The following MAGI2 variants were observed in gnomAD, a reference collection of about 807,000 sequenced individuals.
MAGI2 encodes membrane-associated guanylate kinase, WW and PDZ domain-containing protein 2.
A neutral mutation model predicts 133.3 loss-of-function variants in MAGI2; 35 were observed. The ratio of observed to expected loss-of-function variants is 0.26; its 90% confidence interval spans 0.20 to 0.35. The LOEUF is 0.35. MAGI2 is among the 10% of genes least tolerant of loss of function. The probability of loss-of-function intolerance (pLI) is 1.00; values close to 1 mark genes in which losing one functional copy is unlikely to be tolerated. For missense variants in MAGI2, 1,636 were observed against 1,863.4 expected, an observed-to-expected ratio of 0.88 and a Z score of 2.25; for synonymous variants, 729 against 710.6, an observed-to-expected ratio of 1.03 and a Z score of -0.41.
At chr7:79,319,882 C>A (rs1178972315) in intron 1 of MAGI2, among the ~76,000 whole-genome samples, 1 of 152,104 alleles carries the variant, frequency 6.6e-6, no homozygotes, top group East Asian at 1.9e-4. Flanking sequence ...GATTCATAAT[C>A]ATAATGTTTT....
chr7:78,622,008 G>A (rs1807796237), intron 3 of MAGI2, among the ~76,000 whole-genome samples: 1 of 152,012 alleles, frequency 6.6e-6, no homozygotes, highest in Non-Finnish European at 1.5e-5. Context: ...TCTATGATGA[G>A]CAGCTTAAAC....
intron 1 of MAGI2, among the ~76,000 whole-genome samples, chr7:79,294,153 G>A (rs1200556077): frequency 6.7e-6 from 1 of 148,872 alleles, no homozygotes; most frequent in Non-Finnish European, 1.5e-5. Flanking sequence ...ATTCCAGCCC[G>A]GGCAACAGAG....
intron 6 of MAGI2, among the ~76,000 whole-genome samples, chr7:78,454,940 G>T (rs1395223213): frequency 1.3e-5 from 2 of 152,130 alleles, no homozygotes; most frequent in Non-Finnish European, 2.9e-5. Flanking sequence ...AGCACAGGGG[G>T]TTTCTAGGGC....
At chr7:79,181,027 G>A (rs1033641701) in intron 1 of MAGI2, among the ~76,000 whole-genome samples, 1 of 151,926 alleles carries the variant, frequency 6.6e-6, no homozygotes, top group Admixed American at 6.6e-5. Context: ...CACCTCTATG[G>A]CTTTGCAGGG....
intron 1 of MAGI2, among the ~76,000 whole-genome samples, chr7:79,433,280 G>A (rs756863872): frequency 8.5e-5 from 13 of 152,154 alleles, no homozygotes; most frequent in African/African-American, 2.6e-4. Flanking sequence ...GGCCAGGCGC[G>A]GTGGCTCAGG....
At position 79,346,591 on chromosome 7, in the gene MAGI2, T is replaced by C. The variant is rs543511928; in HGVS notation, c.301+106429A>G. ...TCTGCAACTGTACTGCCCTCTGTAC[T>C]GAGTCTTTCTTCAGTTCTCTGATCC... On this transcript the variant is annotated intron_variant, in intron 1 of 21. Transcript: ENST00000354212. 1.7e-3 allele frequency among the ~76,000 whole-genome samples: 265 copies of C among 152,084 alleles called. 2 individuals carry two copies. Among genetic ancestry groups the C allele is most frequent in the African/African-American group, 6.2e-3 (256 of 41,552 alleles).
Position 79,032,570 on chromosome 7 carries a change from A to C in MAGI2, c.302-25364T>G, listed in dbSNP as rs372520326. 9.2e-5 allele frequency among the ~76,000 whole-genome samples: 14 copies of C among 151,998 alleles called. 2 individuals are homozygous for C. The highest frequency in any genetic ancestry group is 7.2e-4 in the Admixed American group (11 of 15,248). ...GCACATTACCCATTATGAGAGTGGA[A>C]CATCAAGTCTAGGTTTAGATTTATT... On this transcript the variant is annotated intron_variant, in intron 1 of 21. Transcript: ENST00000354212.
Position 78,019,425 on chromosome 7 carries a change from C to T in MAGI2, c.4258G>A (p.Gly1420Arg). 9.4e-7 allele frequency: 1 copy of T among 1,067,254 alleles called. No homozygotes were observed. Among genetic ancestry groups the T allele is most frequent in the Non-Finnish European group, 1.1e-6 (1 of 884,322 alleles). 66.1% of individuals were successfully genotyped at this position (1,067,254 alleles called of 1,614,324 possible). A position where few individuals can be genotyped will look rare whatever the true frequency, so the allele number is the denominator to read the frequency against. The part of the protein sequence containing the change: ...AGPRPGPRPP[G>R]GAPARKAAVA... ...GCGGCCTTGCGCGCCGGGGCGCCCCCCGGGGGTCGCGGGCCCGGCCGGGGA... is the reference window on the plus strand; with the variant it reads ...GCGGCCTTGCGCGCCGGGGCGCCCCTCGGGGGTCGCGGGCCCGGCCGGGGA... Residue 1420 changes from glycine (G) to arginine (R), a missense_variant, in exon 22 of 22, where the codon GGG (glycine) becomes AGG (arginine). Physicochemically the swap from Gly to Arg is moderately radical, Grantham distance 125. Around this residue, in one of 5 missense-constraint regions of MAGI2, gnomAD observed 354 missense variants for 298.7 expected, o/e 1.19. Transcript: ENST00000354212.
chr7:78,799,439 G>A (rs1259321791), intron 2 of MAGI2, among the ~76,000 whole-genome samples: 2 of 152,100 alleles, frequency 1.3e-5, no homozygotes, highest in Non-Finnish European at 2.9e-5. Flanking sequence ...TTATTAATGA[G>A]AATATTTTCT....
At chr7:78,229,334 T>C (rs1448753873) in intron 10 of MAGI2, among the ~76,000 whole-genome samples, 2 of 152,214 alleles carry the variant, frequency 1.3e-5, no homozygotes, top group Non-Finnish European at 2.9e-5. Flanking sequence ...CTAAGATACA[T>C]GTGGCAGATC....
intron 2 of MAGI2, among the ~76,000 whole-genome samples, chr7:78,700,630 CTA>C (rs1817970561): frequency 6.6e-6 from 1 of 151,918 alleles, no homozygotes; most frequent in Non-Finnish European, 1.5e-5. Context: ...ATCAGTATAC[CTA>C]CCATATATAT....
intron 2 of MAGI2, among the ~76,000 whole-genome samples, chr7:78,736,570 T>A (rs1821869103): frequency 6.6e-6 from 1 of 152,268 alleles, no homozygotes; most frequent in African/African-American, 2.4e-5. Context: ...CCCCTGAGGG[T>A]CCCTAAGAAC....
intron 20 of MAGI2, among the ~76,000 whole-genome samples, chr7:78,116,442 G>A (rs899364042): frequency 6.7e-6 from 1 of 150,294 alleles, no homozygotes; most frequent in East Asian, 1.9e-4. Context: ...AAATGAATAA[G>A]CAAGAAGACA....
chr7:78,097,398 G>C (rs1252045592), intron 20 of MAGI2, among the ~76,000 whole-genome samples: 1 of 152,118 alleles, frequency 6.6e-6, no homozygotes, highest in Non-Finnish European at 1.5e-5. Context: ...CAATAGCAAA[G>C]ACATGGAATC....
In MAGI2 at chr7:79,122,146, A is replaced by T. The variant is rs187608837; in HGVS notation, c.302-114940T>A. On this transcript the variant is annotated intron_variant, in intron 1 of 21. Transcript: ENST00000354212. ...ATCAGGGTCATTTTGAATCTATACT[A>T]AATTCTCTGAGGCATTATTTATACC... is the stretch of plus-strand genomic sequence containing the variant. 7.6e-3 allele frequency among the ~76,000 whole-genome samples: 1,154 copies of T among 152,260 alleles called. 10 individuals carry two copies. Among genetic ancestry groups the T allele is most frequent in the Non-Finnish European group, 0.012 (806 of 68,016 alleles).
At chr7:78,910,238 G>A (rs191717800) in intron 2 of MAGI2, among the ~76,000 whole-genome samples, 2 of 149,884 alleles carry the variant, frequency 1.3e-5, no homozygotes, top group East Asian at 4.0e-4. Context: ...CATTTTGCAC[G>A]TGAATCCTGG....
intron 1 of MAGI2, among the ~76,000 whole-genome samples, chr7:79,143,147 C>CA (rs2129546338): frequency 6.6e-6 from 1 of 152,246 alleles, no homozygotes; most frequent in South Asian, 2.1e-4. Flanking sequence ...TGTGTTTAAT[C>CA]AGTATACATA....
chr7:78,882,926 C>T (rs1795988556), intron 2 of MAGI2, among the ~76,000 whole-genome samples: 1 of 152,102 alleles, frequency 6.6e-6, no homozygotes, highest in Non-Finnish European at 1.5e-5. Context: ...AAGCTGGAAG[C>T]ACTCCCTTAA....
At chr7:79,284,244 T>G (rs1358649640) in intron 1 of MAGI2, among the ~76,000 whole-genome samples, 1 of 152,124 alleles carries the variant, frequency 6.6e-6, no homozygotes, top group Non-Finnish European at 1.5e-5. Flanking sequence ...TAGGCCAGGA[T>G]AGTCTTTATC....
Sources: gnomAD v4.1 joint callset for allele counts (sites outside exome capture counted in the v4.1 genomes callset) on GRCh38, gnomAD v4.1.1 for gene constraint, gnomAD v4.1.1 regional missense constraint, MANE v1.5 for transcripts, NCBI Gene and HGNC (gene_info 2026-07-23, HGNC 2026-07-21) for gene names.